The following CSMD1 variants were observed in gnomAD, a reference collection of about 807,000 sequenced individuals.
The protein encoded by CSMD1 is CUB and Sushi multiple domains 1, also known as CUB and sushi domain-containing protein 1.
Under a neutral mutation model 417.5 loss-of-function variants are expected in CSMD1, and 213 were observed. The ratio of observed to expected loss-of-function variants is 0.51; its 90% CI spans 0.46 to 0.57. CSMD1 has a LOEUF of 0.57. Among genes scored for constraint, CSMD1 ranks in the 20% least tolerant of loss-of-function variants. The pLI is 0.00. For synonymous variants in CSMD1, 2,862 were observed against 1,736.8 expected (o/e 1.65, Z -16.11); for missense variants, 6,923 against 4,529.7 (o/e 1.53, Z -15.17).
At chr8:4,904,333 A>G (rs1563724559) in intron 1 of CSMD1, among the ~76,000 whole-genome samples, 1 of 152,220 alleles carries the variant, frequency 6.6e-6, no homozygotes, top group South Asian at 2.1e-4. Context: ...TATTACATCT[A>G]TGAGTATTTA....
chr8:4,296,700 T>TG (rs1311323024), intron 3 of CSMD1, among the ~76,000 whole-genome samples: 2 of 148,956 alleles, frequency 1.3e-5, no homozygotes, highest in African/African-American at 2.5e-5. Context: ...ATAAGGGTTT[T>TG]TTTTTTTTTT....
chr8:3,692,109 C>A (rs915381090), intron 7 of CSMD1, among the ~76,000 whole-genome samples: 5 of 152,166 alleles, frequency 3.3e-5, no homozygotes, highest in African/African-American at 4.8e-5. Context: ...TCTGGAGAGG[C>A]CTGGGGAAGC....
At chr8:3,508,090 T>C (rs1454431785) in intron 10 of CSMD1, among the ~76,000 whole-genome samples, 6 of 152,214 alleles carry the variant, frequency 3.9e-5, no homozygotes, top group Non-Finnish European at 8.8e-5. Flanking sequence ...CCCATGCCTA[T>C]GTCCTGAATG....
At position 4,657,208 on chromosome 8, in the gene CSMD1, C is replaced by A. The variant is rs181798457; in HGVS notation, c.86-19650G>T. 1.5e-3 allele frequency among the ~76,000 whole-genome samples: 230 copies of A among 152,248 alleles called. 1 individual carries two copies. Among genetic ancestry groups the A allele is most frequent in the Non-Finnish European group, 1.3e-3 (89 of 68,018 alleles). ...CTCTCAGAAAAGACCTCACAATTTTCCCAAACTTTCACACCTGGTTGAGCA... is the reference window on the plus strand; with the variant it reads ...CTCTCAGAAAAGACCTCACAATTTTACCAAACTTTCACACCTGGTTGAGCA... On this transcript the variant is annotated intron_variant, in intron 1 of 69. Coordinates refer to ENST00000635120, the MANE Select transcript of CSMD1 (RefSeq NM_033225.6).
intron 5 of CSMD1, among the ~76,000 whole-genome samples, chr8:3,828,000 T>G (rs569943147): frequency 3.9e-5 from 6 of 152,202 alleles, no homozygotes; most frequent in Non-Finnish European, 8.8e-5. Flanking sequence ...AACAACCTCA[T>G]GCATGGCAAG....
At chr8:4,024,365 A>G (rs1298781185) in intron 4 of CSMD1, among the ~76,000 whole-genome samples, 2 of 152,226 alleles carry the variant, frequency 1.3e-5, no homozygotes, top group African/African-American at 2.4e-5. Context: ...ATTCTGTGGC[A>G]TAAGAGTATG....
intron 37 of CSMD1, among the ~76,000 whole-genome samples, chr8:3,174,761 T>C (rs1820800009): frequency 6.6e-6 from 1 of 152,226 alleles, no homozygotes; most frequent in Non-Finnish European, 1.5e-5. Context: ...GATATATTTA[T>C]AGCTTTCTCT....
intron 10 of CSMD1, among the ~76,000 whole-genome samples, chr8:3,530,881 G>A (rs1341450920): frequency 1.3e-5 from 2 of 148,180 alleles, no homozygotes; most frequent in African/African-American, 5.0e-5. Context: ...TTTTTAAGAT[G>A]GAGTCTCATT....
intron 5 of CSMD1, among the ~76,000 whole-genome samples, chr8:3,899,571 T>C (rs1202314672): frequency 2.0e-5 from 3 of 152,148 alleles, no homozygotes. Flanking sequence ...GTTGTTGTTG[T>C]AAAATTTCTG....
intron 4 of CSMD1, among the ~76,000 whole-genome samples, chr8:4,001,380 C>A (rs1444604032): frequency 6.6e-6 from 1 of 152,126 alleles, no homozygotes; most frequent in African/African-American, 2.4e-5. Flanking sequence ...TTCTCCACTG[C>A]TGGAAGGTTC....
At chr8:3,058,508 G>A (rs973190222) in intron 49 of CSMD1, among the ~76,000 whole-genome samples, 2 of 152,084 alleles carry the variant, frequency 1.3e-5, no homozygotes, top group African/African-American at 2.4e-5. Flanking sequence ...GCTGACAAAT[G>A]GTTTAATCGC....
At chr8:3,619,465 G>C (rs1055717974) in intron 7 of CSMD1, among the ~76,000 whole-genome samples, 37 of 152,180 alleles carry the variant, frequency 2.4e-4, no homozygotes, top group African/African-American at 8.4e-4. Context: ...TCTAGATACA[G>C]TCACTGAAGA....
intron 3 of CSMD1, among the ~76,000 whole-genome samples, chr8:4,036,340 G>C (rs1035347765): frequency 1.0e-5 from 1 of 96,248 alleles, no homozygotes; most frequent in African/African-American, 4.1e-5. Flanking sequence ...ATTTAAAGAG[G>C]GACCCCTCCA....
intron 5 of CSMD1, among the ~76,000 whole-genome samples, chr8:3,869,290 C>T (rs1490317898): frequency 6.6e-6 from 1 of 152,170 alleles, no homozygotes; most frequent in Non-Finnish European, 1.5e-5. Context: ...ACACCACATT[C>T]TCCTTCTCTG....
At chr8:3,234,154 G>A (rs979331010) in intron 26 of CSMD1, among the ~76,000 whole-genome samples, 21 of 152,184 alleles carry the variant, frequency 1.4e-4, no homozygotes, top group African/African-American at 4.6e-4. Context: ...CAGAGGATCA[G>A]CAGAGGCAAT....
chr8:3,734,491 C>T (rs533600661), intron 6 of CSMD1, among the ~76,000 whole-genome samples: 6 of 152,208 alleles, frequency 3.9e-5, no homozygotes, highest in African/African-American at 1.4e-4. Context: ...TGGGTGGATC[C>T]CTTGACGTCA....
intron 3 of CSMD1, among the ~76,000 whole-genome samples, chr8:4,202,744 T>C (rs1467267909): frequency 6.6e-6 from 1 of 152,134 alleles, no homozygotes; most frequent in Admixed American, 6.6e-5. Flanking sequence ...TAACTAAGTG[T>C]TACAAAGGGA....
chr8:3,483,885 G>A (rs749830089), intron 11 of CSMD1, among the ~76,000 whole-genome samples: 5 of 152,126 alleles, frequency 3.3e-5, no homozygotes, highest in Non-Finnish European at 5.9e-5. Context: ...GCTAAAGAAA[G>A]AACATGATAT....
At chr8:3,318,536 C>T (rs1476413807) in intron 23 of CSMD1, among the ~76,000 whole-genome samples, 2 of 152,096 alleles carry the variant, frequency 1.3e-5, no homozygotes, top group South Asian at 2.1e-4. Flanking sequence ...TAAAAGGATG[C>T]CCATTCATTA....
Sources: gnomAD v4.1 joint callset for allele counts (sites outside exome capture counted in the v4.1 genomes callset) on GRCh38, gnomAD v4.1.1 for gene constraint, MANE v1.5 for transcripts, NCBI Gene and HGNC (gene_info 2026-07-23, HGNC 2026-07-21) for gene names.